OSBPL3: variants seen among roughly 807,000 people sequenced by gnomAD.
OSBPL3 encodes oxysterol binding protein like 3.
In OSBPL3, 65 loss-of-function variants were observed where a neutral mutation model predicts 120.1. The ratio of observed to expected loss-of-function variants is 0.54; its 90% CI spans 0.44 to 0.67. OSBPL3 has a LOEUF of 0.67. OSBPL3 is among the 30% of genes least tolerant of loss of function. The pLI, the probability that OSBPL3 is intolerant of heterozygous loss-of-function variation, is 0.00. For missense variants in OSBPL3, 1,004 were observed against 1,082.1 expected (o/e 0.93, Z 1.01); for synonymous variants, 416 against 402.6 (o/e 1.03, Z -0.40).
rs559510124 is a variant in OSBPL3, at chr7:24,937,745, T to C, written c.-150+42141A>G. Reference sequence around the variant, plus strand: ...ATTACCAAATCATTCTCCAAGCTGGTTGTTCCAAATGATATTGCCATTAAT... The same window carrying C: ...ATTACCAAATCATTCTCCAAGCTGGCTGTTCCAAATGATATTGCCATTAAT... On this transcript the variant is annotated intron_variant, in intron 1 of 22. Transcript: ENST00000313367. This position sits in a 1 kb window ranked among gnomAD's most constrained non-coding sequence, Gnocchi z 4.0. 4.5e-4 allele frequency among the ~76,000 whole-genome samples: 68 copies of C among 152,344 alleles called. 1 individual carries two copies. Among genetic ancestry groups the C allele is most frequent in the South Asian group, 2.1e-3 (10 of 4,832 alleles).
At chr7:24,825,840 C>A (rs1001065625) in intron 16 of OSBPL3, among the ~76,000 whole-genome samples, 1 of 152,196 alleles carries the variant, frequency 6.6e-6, no homozygotes, top group Admixed American at 6.5e-5. Flanking sequence ...AAAAGATCTT[C>A]ATTTCAATCT....
At chr7:24,847,383 A>T (rs1293212713) in intron 12 of OSBPL3, among the ~76,000 whole-genome samples, 5 of 152,196 alleles carry the variant, frequency 3.3e-5, no homozygotes, top group Non-Finnish European at 7.4e-5. Flanking sequence ...GGAAATAGAT[A>T]AGGTGACAAC....
chr7:24,921,603 G>C (rs1810392859), intron 1 of OSBPL3, among the ~76,000 whole-genome samples: 1 of 152,170 alleles, frequency 6.6e-6, no homozygotes, highest in African/African-American at 2.4e-5. Context: ...GCAGGAAGTA[G>C]AAACAGTGTA....
At chr7:24,934,012 T>C (rs1347597680) in intron 1 of OSBPL3, among the ~76,000 whole-genome samples, 1 of 152,170 alleles carries the variant, frequency 6.6e-6, no homozygotes, top group Admixed American at 6.5e-5. Context: ...AGCTCTAAAA[T>C]AGGAATCTGA....
rs1403192630 is a variant in OSBPL3, at chr7:24,877,990, T to C, written c.97-5921A>G. 3.3e-5 allele frequency among the ~76,000 whole-genome samples: 5 copies of C among 152,186 alleles called. No homozygotes were observed. The highest frequency in any genetic ancestry group is 4.4e-5 in the Non-Finnish European group (3 of 68,032). On this transcript the variant is annotated intron_variant, in intron 2 of 22. Coordinates refer to ENST00000313367, the MANE Select transcript of OSBPL3 (RefSeq NM_015550.4). The surrounding 1 kb of genome is among the most constrained non-coding windows in gnomAD (Gnocchi z 4.8). ...TGGGGGATGTGGCTTCTTAAGGTTT[T>C]TGCATGAGTTTCACTGAAGACAGTC...
rs1401034408 is a variant in OSBPL3, at chr7:24,940,528, A to C, written c.-150+39358T>G. On this transcript the variant is annotated intron_variant, in intron 1 of 22. Coordinates refer to ENST00000313367, the MANE Select transcript of OSBPL3 (RefSeq NM_015550.4). This position sits in a 1 kb window ranked among gnomAD's most constrained non-coding sequence, Gnocchi z 4.4. ...TCTGAAGAAAAGGTTTAGTGAGAGA[A>C]AGCAGATGGGAAAGACAGGGGCCGT... 6.6e-6 allele frequency among the ~76,000 whole-genome samples: 1 copy of C among 152,122 alleles called. No individual in the cohort carries two copies.
intron 10 of OSBPL3, among the ~76,000 whole-genome samples, chr7:24,857,079 T>C (rs946962149): frequency 2.0e-5 from 3 of 152,210 alleles, no homozygotes; most frequent in African/African-American, 7.2e-5. Flanking sequence ...AGAGGTATCA[T>C]TGTAACACAC....
At chr7:24,907,080 T>C (rs1014391842) in intron 1 of OSBPL3, among the ~76,000 whole-genome samples, 4 of 150,852 alleles carry the variant, frequency 2.7e-5, no homozygotes, top group African/African-American at 4.9e-5. Flanking sequence ...AGATTCTCTC[T>C]CTCCCTGACA....
intron 19 of OSBPL3, among the ~76,000 whole-genome samples, chr7:24,810,700 C>G (rs891833496): frequency 1.3e-5 from 2 of 152,196 alleles, no homozygotes; most frequent in South Asian, 2.1e-4. Flanking sequence ...CCCTCCACCC[C>G]TGGCAAACCC....
chr7:24,858,279 C>G (rs1800078727), intron 10 of OSBPL3, among the ~76,000 whole-genome samples: 1 of 152,182 alleles, frequency 6.6e-6, no homozygotes. Flanking sequence ...TTTAGTTCAG[C>G]TGCTTTGGAA....
chr7:24,979,623 C>A (rs943059171), intron 1 of OSBPL3, among the ~76,000 whole-genome samples: 2 of 152,088 alleles, frequency 1.3e-5, no homozygotes, highest in Non-Finnish European at 2.9e-5. Flanking sequence ...CTCCTCCTGG[C>A]GGTCAATCCT....
rs1584430252 is a variant in OSBPL3 at position 24,865,469 on chromosome 7, TTCCACGG to T, written c.550-11_550-5del. ...TCTGCTTTGATATACTGCTACGCTG[TTCCACGG>T]ATGACAAAAGCACATTGTAAATGGA... On this transcript the variant is annotated splice_region_variant and splice_polypyrimidine_tract_variant and intron_variant, in intron 6 of 22. Transcript: ENST00000313367. 1 of 1,612,916 alleles carries T rather than the reference TTCCACGG, an allele frequency of 6.2e-7. No homozygotes were observed. The highest frequency in any genetic ancestry group is 1.3e-5 in the African/African-American group (1 of 74,896).
rs1193943330 is a variant in OSBPL3 at position 24,891,280 on chromosome 7, G to A, written c.96+1097C>T. Among the ~76,000 whole-genome samples the A allele has an allele frequency of 6.6e-6, 1 of 151,938 alleles. No individual in the cohort carries two copies. Among genetic ancestry groups the A allele is most frequent in the East Asian group, 1.9e-4 (1 of 5,186 alleles). ...GACAAAATTCTCCTTAACCCCTCAG[G>A]GGAGATCCTGGAGGGCTTCCCAAAT... On this transcript the variant is annotated intron_variant, in intron 2 of 22. Transcript: ENST00000313367. This position sits in a 1 kb window ranked among gnomAD's most constrained non-coding sequence, Gnocchi z 4.1.
rs1185516594 is a variant in OSBPL3 at position 24,827,157 on chromosome 7, C to T, written c.1884+3611G>A. Reference sequence around the variant, plus strand: ...TATACTAGTCATCCAGAAACCTGTACTCATTGTAGAGAGGCACAAGAAAAC... The same window carrying T: ...TATACTAGTCATCCAGAAACCTGTATTCATTGTAGAGAGGCACAAGAAAAC... On this transcript the variant is annotated intron_variant, in intron 16 of 22. Coordinates refer to ENST00000313367, the MANE Select transcript of OSBPL3 (RefSeq NM_015550.4). This position sits in a 1 kb window ranked among gnomAD's most constrained non-coding sequence, Gnocchi z 5.1. Among the ~76,000 whole-genome samples the T allele has an allele frequency of 1.3e-5, 2 of 152,224 alleles. No homozygotes were observed. The highest frequency in any genetic ancestry group is 2.9e-5 in the Non-Finnish European group (2 of 68,050).
In OSBPL3 at chr7:24,953,830, C is replaced by G. The variant is rs567037332; in HGVS notation, c.-150+26056G>C. The stretch of plus-strand genomic sequence containing the variant: ...AATGTTCAACGGCATGAACTAGAAG[C>G]AGGCAGCATGTATCCCAGGAATAGC... On this transcript the variant is annotated intron_variant, in intron 1 of 22. Transcript: ENST00000313367. The surrounding 1 kb of genome is among the most constrained non-coding windows in gnomAD (Gnocchi z 4.3). 1.4e-4 allele frequency among the ~76,000 whole-genome samples: 21 copies of G among 152,328 alleles called. No homozygotes were observed. The highest frequency in any genetic ancestry group is 4.6e-4 in the African/African-American group (19 of 41,586).
rs1328603067 is a variant in OSBPL3, at chr7:24,861,710, T to C, written c.930A>G (p.Thr310=). 5 of 1,612,134 alleles carry C rather than the reference T, an allele frequency of 3.1e-6. No individual in the cohort carries two copies. The East Asian group carries it at 6.7e-5, about 22-fold the overall frequency. Residue 310 remains threonine, a synonymous_variant, in exon 10 of 23, where the codon ACA becomes ACG. Coordinates refer to ENST00000313367, the MANE Select transcript of OSBPL3 (RefSeq NM_015550.4). ...RLHSSNPNLS[T]LDFGEEKNYS... is the part of the protein sequence containing the mutation. ...AATTTTTCTCTTCTCCAAAATCTAG[T>C]GTTGACAAATTAGGATTGGAGGAGT...
chr7:24,868,293 G>C (rs1474366578), intron 5 of OSBPL3, among the ~76,000 whole-genome samples: 1 of 150,814 alleles, frequency 6.6e-6, no homozygotes, highest in African/African-American at 2.4e-5. Context: ...CTCCAGCCTG[G>C]GTGATGGAGC....
intron 1 of OSBPL3, among the ~76,000 whole-genome samples, chr7:24,941,236 A>T (rs1306427463): frequency 6.6e-6 from 1 of 152,258 alleles, no homozygotes; most frequent in African/African-American, 2.4e-5. Flanking sequence ...TAAAAATTCC[A>T]GTCTACTATC....
Position 24,820,186 on chromosome 7 carries a change from A to G in OSBPL3, c.1937T>C (p.Val646Ala). The change falls in exon 17 of 23, where the codon GTT (valine) becomes GCT (alanine). Residue 646 changes from valine to alanine, a missense_variant. This residue lies in a region of OSBPL3 where 473 missense variants were observed against 568.0 expected (regional missense o/e 0.83). Coordinates refer to ENST00000313367, the MANE Select transcript of OSBPL3 (RefSeq NM_015550.4). The surrounding 1 kb of genome is among the most constrained non-coding windows in gnomAD (Gnocchi z 4.6). ...SACHAESRNF[V>A]FWQDVRWKNK... is the part of the protein sequence containing the mutation. ...TATTAGCACATTACCTTGCCAGAAA[A>G]CAAAATTTCTAGACTCAGCATGACA... 1 of 1,610,548 alleles carries G rather than the reference A, an allele frequency of 6.2e-7. No individual in the cohort carries two copies. Among genetic ancestry groups the G allele is most frequent in the Non-Finnish European group, 8.5e-7 (1 of 1,177,136 alleles).
Sources: gnomAD v4.1 joint callset for allele counts (sites outside exome capture counted in the v4.1 genomes callset) on GRCh38, gnomAD v4.1.1 for gene constraint, gnomAD v4.1.1 regional missense constraint, Gnocchi (gnomAD v3.1) non-coding constraint, MANE v1.5 for transcripts, NCBI Gene and HGNC (gene_info 2026-07-23, HGNC 2026-07-21) for gene names.